Variants in PROSER3 observed in about 807,000 individuals in gnomAD.
PROSER3 encodes proline and serine-rich protein 3.
Under a neutral mutation model 50.2 loss-of-function variants are expected in PROSER3, and 33 were observed. The ratio of observed to expected loss-of-function variants is 0.66; its 90% CI spans 0.50 to 0.88. The LOEUF is 0.88. Ranked by LOEUF, PROSER3 falls within the 40% of genes least tolerant of loss-of-function variation. The pLI, the probability that PROSER3 is intolerant of heterozygous loss-of-function variation, is 0.00. For synonymous variants in PROSER3, 266 were observed against 259.3 expected, an observed-to-expected ratio of 1.03 and a Z score of -0.25; for missense variants, 623 against 612.7, an observed-to-expected ratio of 1.02 and a Z score of -0.18.
chr19:35,762,097 T>C (rs781703200), exon 4 of PROSER3: 3 of 1,610,836 alleles, frequency 1.9e-6, no homozygotes, highest in African/African-American at 2.7e-5. Context: ...CAGCTGACTT[T>C]TGGTGGCTGC....
chr19:35,767,573 C>T (rs568857042), intron 8 of PROSER3: 24 of 575,640 alleles, frequency 4.2e-5, no homozygotes, highest in African/African-American at 1.9e-4. Context: ...CAGAGCCCCT[C>T]GCCCAGAGGC....
chr19:35,761,519 G>T (rs1483804967), intron 3 of PROSER3, among the ~76,000 whole-genome samples: 1 of 151,964 alleles, frequency 6.6e-6, no homozygotes, highest in Non-Finnish European at 1.5e-5. Context: ...CAAATTAGCC[G>T]GGCGTGGTGG....
rs368625428 is a variant in PROSER3 at position 35,759,885 on chromosome 19, T to C, written c.205T>C (p.Trp69Arg). ...CTCCCCTGAGCTGTTTGAGGAGTCC[T>C]GGCCATCCAGTTCAGGGACCCCCTC... The change falls in exon 3 of 11, where the codon TGG (tryptophan) becomes CGG (arginine). Residue 69 changes from tryptophan (W) to arginine (R), a missense_variant. Around this residue, in one of 3 missense-constraint regions of PROSER3, gnomAD observed 236 missense variants for 243.6 expected, o/e 0.97. Coordinates refer to ENST00000396908, the Ensembl canonical transcript of PROSER3. 6.6e-5 allele frequency: 105 copies of C among 1,592,338 alleles called. No homozygotes were observed. The highest frequency in any genetic ancestry group is 8.4e-5 in the Non-Finnish European group (98 of 1,169,882).
chr19:35,766,054 G>A (rs1194686289), intron 7 of PROSER3, among the ~76,000 whole-genome samples: 1 of 152,166 alleles, frequency 6.6e-6, no homozygotes, highest in Non-Finnish European at 1.5e-5. Flanking sequence ...GGTATTCACA[G>A]GCTCCCTCTG....
At chr19:35,761,985 ACTCCACTCAC>A in intron 3 of PROSER3, 24 bp from the exon 4 acceptor site, 2 of 1,553,980 alleles carry the variant, frequency 1.3e-6, no homozygotes, top group Non-Finnish European at 1.7e-6. Context: ...GGCTCTCCTC[ACTCCACTCAC>A]CTCCTATCCC....
intron 5 of PROSER3, among the ~76,000 whole-genome samples, chr19:35,764,346 C>T (rs1472291163): frequency 1.3e-5 from 2 of 152,106 alleles, no homozygotes; most frequent in Non-Finnish European, 2.9e-5. Flanking sequence ...CCTCCTCCAA[C>T]CATGATTTGT....
chr19:35,770,480 C>T (rs1269405631), downstream of PROSER3, among the ~76,000 whole-genome samples: 2 of 152,164 alleles, frequency 1.3e-5, no homozygotes, highest in Non-Finnish European at 2.9e-5. Context: ...ACACACTTGC[C>T]ATCAAGAGGC....
chr19:35,767,832 C>T, exon 9 of PROSER3: 3 of 1,613,164 alleles, frequency 1.9e-6, no homozygotes, highest in South Asian at 1.1e-5. Flanking sequence ...AAGGCCTTGC[C>T]GCCCGCAGCG....
intron 1 of PROSER3, chr19:35,758,836 T>A (rs1970857624): frequency 6.5e-6 from 1 of 153,156 alleles, no homozygotes; most frequent in African/African-American, 2.4e-5. Context: ...CCTGGCTAAT[T>A]TTTTATATTT....
At chr19:35,761,962 C>A (rs1970964157) in intron 3 of PROSER3, 57 bp from the exon 4 acceptor site, 18 of 1,500,716 alleles carry the variant, frequency 1.2e-5, no homozygotes, top group Middle Eastern at 1.8e-4. Flanking sequence ...TATAATTATT[C>A]TTATTATTAT....
rs766351410 is a variant in PROSER3, at chr19:35,768,249, C to T, written c.1301+13C>T. On this transcript the variant is annotated intron_variant, in intron 10 of 10. Transcript: ENST00000396908. The stretch of plus-strand genomic sequence containing the variant: ...GTCGGCAGAAAAGGTGACCGACCCT[C>T]CATCCCCAGAGTCTATGACACTGGG... 2.5e-6 allele frequency: 4 copies of T among 1,609,042 alleles called. No homozygotes were observed. The highest frequency in any genetic ancestry group is 1.1e-5 in the South Asian group (1 of 90,566).
intron 8 of PROSER3, chr19:35,767,228 C>T: frequency 2.5e-6 from 1 of 408,126 alleles, no homozygotes; most frequent in East Asian, 4.2e-5. Flanking sequence ...CTTTTGGGCC[C>T]CCAGCTCCCA....
chr19:35,767,690 C>T, intron 8 of PROSER3: 1 of 1,326,286 alleles, frequency 7.5e-7, no homozygotes, highest in South Asian at 1.4e-5. Context: ...GGAGGACACG[C>T]CTCCTCACTT....
At chr19:35,765,826 T>C (rs191281467) in intron 7 of PROSER3, among the ~76,000 whole-genome samples, 5 of 152,202 alleles carry the variant, frequency 3.3e-5, no homozygotes, top group Admixed American at 3.3e-4. Flanking sequence ...GAATGGGCCA[T>C]TCGTTATGCC....
At chr19:35,766,706 T>C in intron 7 of PROSER3, 62 bp from the exon 8 acceptor site, 1 of 1,253,754 alleles carries the variant, frequency 8.0e-7, no homozygotes, top group South Asian at 1.4e-5. Flanking sequence ...GTGCAGGCTG[T>C]CCTGGGGTTG....
At position 35,762,007 on chromosome 19, in the gene PROSER3, T is replaced by G; in HGVS notation, c.312-12T>G. ...CTCACTCCACTCACCTCCTATCCCC[T>G]GATGTTCACAGGTATATAAACAGGT... On this transcript the variant is annotated splice_polypyrimidine_tract_variant and intron_variant, in intron 3 of 10. Transcript: ENST00000396908. 6.3e-7 allele frequency: 1 copy of G among 1,583,716 alleles called. No individual in the cohort carries two copies. Among genetic ancestry groups the G allele is most frequent in the Non-Finnish European group, 8.6e-7 (1 of 1,158,392 alleles).
chr19:35,767,947 G>C lies in PROSER3; in HGVS notation c.1101G>C (p.Ser367=), dbSNP rs1971217038. ...AGCAGGCAACCACAGTCAAGGCCTC[G>C]CCGCCAGCCTTCCAGGTGGGGTCTC... Residue 367 remains serine, a synonymous_variant, in exon 9 of 11, where the codon TCG becomes TCC. Transcript: ENST00000396908. 5.6e-6 allele frequency: 9 copies of C among 1,610,406 alleles called. No homozygotes were observed. In the East Asian group the frequency reaches 2.0e-4, roughly 36 times the overall value.
intron 7 of PROSER3, among the ~76,000 whole-genome samples, chr19:35,765,423 C>T (rs532029960): frequency 9.9e-5 from 15 of 152,194 alleles, no homozygotes; most frequent in African/African-American, 3.6e-4. Flanking sequence ...ATTAGCCACG[C>T]GTGGTACATA....
At position 35,766,966 on chromosome 19, in the gene PROSER3, G is replaced by A. The variant is rs762947329; in HGVS notation, c.957+11G>A. ...GCCCTCCGCACGTTGGTGAGCCGAG[G>A]GAGGGAGGAGCCTGGGGGGAGCTGG... is the stretch of plus-strand genomic sequence containing the variant. On this transcript the variant is annotated intron_variant, in intron 8 of 10. Transcript: ENST00000396908. The A allele has an allele frequency of 5.8e-6, 9 of 1,541,424 alleles. No individual in the cohort carries two copies. In the African/African-American group the frequency reaches 8.2e-5, roughly 14 times the overall value.
Sources: allele counts gnomAD v4.1 joint callset (sites outside exome capture counted in the v4.1 genomes callset), GRCh38; gene constraint gnomAD v4.1.1; regional missense constraint gnomAD v4.1.1; transcripts MANE v1.5; gene names NCBI Gene and HGNC (gene_info 2026-07-23, HGNC 2026-07-21).